Variants in KCNN3 observed in about 807,000 individuals in gnomAD.
KCNN3 encodes potassium calcium-activated channel subfamily N member 3, also known as small conductance calcium-activated potassium channel protein 3.
A neutral mutation model predicts 62.9 loss-of-function variants in KCNN3; 16 were observed. The observed-to-expected ratio is 0.25, with a 90% CI of 0.17 to 0.39. KCNN3 has a LOEUF of 0.39. Among genes scored for constraint, KCNN3 ranks in the 10% least tolerant of loss-of-function variants. The pLI is 1.00. For missense variants in KCNN3, 599 were observed against 949.4 expected (o/e 0.63, Z 4.85); for synonymous variants, 370 against 389.2 (o/e 0.95, Z 0.58).
chr1:154,744,511 C>A (rs566625214), intron 3 of KCNN3, among the ~76,000 whole-genome samples: 2 of 152,216 alleles, frequency 1.3e-5, no homozygotes, highest in Non-Finnish European at 2.9e-5. Flanking sequence ...TGGCAAAATA[C>A]CCGCTCAGCC....
At chr1:154,765,953 G>A (rs1187868178) in intron 3 of KCNN3, among the ~76,000 whole-genome samples, 2 of 151,964 alleles carry the variant, frequency 1.3e-5, no homozygotes, top group East Asian at 3.9e-4. Flanking sequence ...GGCCACCCAA[G>A]ACTCTTCTAA....
intron 5 of KCNN3, among the ~76,000 whole-genome samples, chr1:154,716,712 C>T (rs138779366): frequency 6.6e-6 from 1 of 152,320 alleles, no homozygotes; most frequent in Non-Finnish European, 1.5e-5. Context: ...AACTGCCCAC[C>T]TCTAGTACTT....
At chr1:154,794,172 A>T (rs978806454) in intron 2 of KCNN3, among the ~76,000 whole-genome samples, 1 of 152,170 alleles carries the variant, frequency 6.6e-6, no homozygotes, top group African/African-American at 2.4e-5. Flanking sequence ...TCATCCTCTG[A>T]CTGGATCAAT....
intron 1 of KCNN3, among the ~76,000 whole-genome samples, chr1:154,842,600 C>G (rs1224748602): frequency 6.6e-6 from 1 of 150,880 alleles, no homozygotes; most frequent in Non-Finnish European, 1.5e-5. Context: ...CAGACAGAAT[C>G]TGGTTTCCCT....
chr1:154,723,026 G>A (rs1030445296), intron 5 of KCNN3, among the ~76,000 whole-genome samples: 4 of 152,062 alleles, frequency 2.6e-5, no homozygotes, highest in Non-Finnish European at 4.4e-5. Context: ...CACCGCACCC[G>A]GCTGCTTAGC....
intron 2 of KCNN3, among the ~76,000 whole-genome samples, chr1:154,806,107 G>A (rs1046946707): frequency 6.6e-6 from 1 of 152,158 alleles, no homozygotes; most frequent in African/African-American, 2.4e-5. Flanking sequence ...GAAACAACAG[G>A]AAATGGGGCC....
chr1:154,827,371 C>T (rs922589715), intron 1 of KCNN3, among the ~76,000 whole-genome samples: 5 of 152,210 alleles, frequency 3.3e-5, no homozygotes, highest in Admixed American at 2.6e-4. Flanking sequence ...TTCTTTCCCT[C>T]CACATCAGCA....
chr1:154,775,758 G>A (rs1188742004), intron 2 of KCNN3, among the ~76,000 whole-genome samples: 1 of 152,164 alleles, frequency 6.6e-6, no homozygotes, highest in Non-Finnish European at 1.5e-5. Context: ...GGTTTTTCCA[G>A]ACATAGGTTT....
chr1:154,783,028 C>T lies in KCNN3; in HGVS notation c.1030-10635G>A, dbSNP rs183979942. On this transcript the variant is annotated intron_variant, in intron 2 of 7. Transcript: ENST00000271915. ...GAGATTGAGAACATCCTGGCTAACA[C>T]GGTGAAACCCCATCTCTACTAAAAA... Among the ~76,000 whole-genome samples the T allele has an allele frequency of 1.5e-3, 234 of 152,232 alleles. 3 individuals carry two copies. The East Asian group carries it at 0.039, about 26-fold the overall frequency.
Position 154,771,905 on chromosome 1 carries a change from G to A in KCNN3, c.1448+70C>T, listed in dbSNP as rs752220516. The A allele has an allele frequency of 4.0e-6, 6 of 1,485,938 alleles. No individual in the cohort carries two copies. The African/African-American group carries it at 8.3e-5, about 21-fold the overall frequency. 92.0% of individuals were successfully genotyped at this position (1,485,938 alleles called of 1,614,324 possible). A position where few individuals can be genotyped will look rare whatever the true frequency, so the allele number is the denominator to read the frequency against. On this transcript the variant is annotated intron_variant, in intron 3 of 7. Transcript: ENST00000271915. Reference sequence around the variant, plus strand: ...CCTCCATCAGACCACATACTTCCTGGCACCCCTACTCCTCCTCCCTTCCCT... The same window carrying A: ...CCTCCATCAGACCACATACTTCCTGACACCCCTACTCCTCCTCCCTTCCCT...
At chr1:154,762,856 T>C (rs539335132) in intron 3 of KCNN3, among the ~76,000 whole-genome samples, 107 of 152,206 alleles carry the variant, frequency 7.0e-4, no homozygotes, top group Non-Finnish European at 1.1e-3. Context: ...GGGTTCCAAT[T>C]TGATTTTTCA....
intron 2 of KCNN3, among the ~76,000 whole-genome samples, chr1:154,777,115 C>T (rs141253996): frequency 6.6e-5 from 10 of 152,348 alleles, no homozygotes; most frequent in Non-Finnish European, 1.2e-4. Flanking sequence ...TCTTCCCTCT[C>T]TTGGGCTCAG....
intron 7 of KCNN3, among the ~76,000 whole-genome samples, chr1:154,709,070 C>G (rs1700022371): frequency 6.6e-6 from 1 of 152,128 alleles, no homozygotes; most frequent in Non-Finnish European, 1.5e-5. Context: ...GGGTGCTCCC[C>G]TGAGAGCTCC....
intron 1 of KCNN3, among the ~76,000 whole-genome samples, chr1:154,822,733 C>CG (rs1165016205): frequency 6.6e-6 from 1 of 152,146 alleles, no homozygotes; most frequent in Non-Finnish European, 1.5e-5. Flanking sequence ...GAGGCAGGGA[C>CG]GGCAGAGGAG....
intron 1 of KCNN3, 118 bp downstream of exon 1, chr1:154,868,900 ATCTCTCTCTCTCTC>A (rs60145117): frequency 1.1e-4 from 82 of 759,568 alleles, no homozygotes; most frequent in South Asian, 3.1e-4. Flanking sequence ...CAATCTCTCA[ATCTCTCTCTCTCTC>A]TCTCTCTCTC....
At chr1:154,837,699 T>C (rs923252664) in intron 1 of KCNN3, among the ~76,000 whole-genome samples, 92 of 152,218 alleles carry the variant, frequency 6.0e-4, no homozygotes, top group African/African-American at 2.0e-3. Context: ...CTGCCGGTGA[T>C]GACACACTGA....
intron 1 of KCNN3, among the ~76,000 whole-genome samples, chr1:154,825,776 C>T (rs1182507656): frequency 6.6e-6 from 1 of 151,940 alleles, no homozygotes; most frequent in Non-Finnish European, 1.5e-5. Context: ...ACTAAAAACA[C>T]TTCTGCACAC....
chr1:154,826,067 ACAAAAACAAAAACAAAAACAAAAAAAACC>A (rs1557995289), intron 1 of KCNN3, among the ~76,000 whole-genome samples: 7 of 87,940 alleles, frequency 8.0e-5, no homozygotes, highest in African/African-American at 3.2e-4. Context: ...AAAAACAAAA[ACAAAAACAAAAACAAAAACAAAAAAAACC>A]AAAAAACACT....
At chr1:154,791,228 CAAA>C (rs534142359) in intron 2 of KCNN3, among the ~76,000 whole-genome samples, 2 of 59,736 alleles carry the variant, frequency 3.3e-5, no homozygotes, top group Non-Finnish European at 7.2e-5. Flanking sequence ...GACTCCATCT[CAAA>C]AAAAAAAAAA....
Sources: allele counts gnomAD v4.1 joint callset (sites outside exome capture counted in the v4.1 genomes callset), GRCh38; gene constraint gnomAD v4.1.1; transcripts MANE v1.5; gene names NCBI Gene and HGNC (gene_info 2026-07-23, HGNC 2026-07-21).